The following LY9 variants were observed in gnomAD, a reference collection of about 807,000 sequenced individuals.
LY9 encodes the protein lymphocyte antigen 9, also known as T-lymphocyte surface antigen Ly-9.
A neutral mutation model predicts 64.6 loss-of-function variants in LY9; 59 were observed. The observed-to-expected ratio is 0.91, with a 90% CI of 0.74 to 1.13. The LOEUF (loss-of-function observed/expected upper bound fraction) is 1.13, where lower values mean the gene tolerates loss of function less well. Ranked by LOEUF, LY9 falls within the 50% of genes most tolerant of loss-of-function variation. LY9 has a pLI of 0.00. For missense variants in LY9, 789 were observed against 797.2 expected (o/e 0.99, Z 0.12); for synonymous variants, 281 against 308.5 (o/e 0.91, Z 0.93).
rs547994015 is a variant in LY9, at chr1:160,801,792, C to T, written c.454+1710C>T. ...ATGTGACTATTCAATTTTCCCAGCACCATTTATTGAAAAGTTGTCCGTCCA... is the reference window on the plus strand; with the variant it reads ...ATGTGACTATTCAATTTTCCCAGCATCATTTATTGAAAAGTTGTCCGTCCA... On this transcript the variant is annotated intron_variant, in intron 2 of 9. Coordinates refer to ENST00000263285, the MANE Select transcript of LY9 (RefSeq NM_002348.4). 4.0e-4 allele frequency: 639 copies of T among 1,611,128 alleles called. 8 individuals are homozygous for T. In the South Asian group the frequency reaches 6.4e-3, roughly 16 times the overall value.
intron 2 of LY9, among the ~76,000 whole-genome samples, chr1:160,807,045 C>T (rs1667051504): frequency 6.6e-6 from 1 of 151,986 alleles, no homozygotes; most frequent in East Asian, 1.9e-4. Context: ...TTTGTATTTC[C>T]TTCAGTGAAA....
rs529626132 is a variant in LY9 at position 160,819,468 on chromosome 1, G to A, written c.1498+94G>A. ...AAAGTGTGGTCTGCTGGCCAGCAGT[G>A]TGGGCATCACCCAGGAAACTTGTTA... On this transcript the variant is annotated intron_variant, in intron 7 of 9. Coordinates refer to ENST00000263285, the MANE Select transcript of LY9 (RefSeq NM_002348.4). The A allele has an allele frequency of 3.9e-4, 435 of 1,109,104 alleles. 1 individual carries two copies. In the African/African-American group the frequency reaches 5.8e-3, roughly 15 times the overall value. 68.7% of individuals were successfully genotyped at this position (1,109,104 alleles called of 1,614,324 possible).
In LY9 at chr1:160,823,688, C is replaced by G; in HGVS notation, c.1722C>G (p.Asp574Glu). 6.2e-7 allele frequency: 1 copy of G among 1,613,926 alleles called. No individual in the cohort carries two copies. The highest frequency in any genetic ancestry group is 1.7e-5 in the Admixed American group (1 of 60,016). The change falls in exon 8 of 10, where the codon GAC (aspartate) becomes GAG (glutamate). Residue 574 changes from aspartate to glutamate, a missense_variant. Coordinates refer to ENST00000263285, the MANE Select transcript of LY9 (RefSeq NM_002348.4). The stretch of plus-strand genomic sequence containing the variant: ...TCACTCAGGAGGGCGCTGGACATGA[C>G]CCAGCCCCTGAGGGCCAAGCAGACT... ...DQVTQEGAGHDPAPEGQADYD... is the reference protein window; with the variant it reads ...DQVTQEGAGHEPAPEGQADYD...
chr1:160,802,152 C>T, intron 2 of LY9: 2 of 1,295,846 alleles, frequency 1.5e-6, no homozygotes, highest in Non-Finnish European at 2.0e-6. Flanking sequence ...CCGCTGACGC[C>T]CGCAGGAACC....
intron 1 of LY9, among the ~76,000 whole-genome samples, chr1:160,798,643 G>T (rs888199067): frequency 1.8e-4 from 28 of 152,112 alleles, no homozygotes; most frequent in African/African-American, 6.0e-4. Context: ...GCAAGTGCTT[G>T]GCTGATGGAG....
intron 2 of LY9, among the ~76,000 whole-genome samples, chr1:160,801,092 A>G (rs576168087): frequency 3.3e-4 from 51 of 152,314 alleles, no homozygotes; most frequent in Non-Finnish European, 6.9e-4. Flanking sequence ...CAGTAGTGGT[A>G]TTACTGGATC....
intron 1 of LY9, among the ~76,000 whole-genome samples, chr1:160,798,565 C>T (rs1176808570): frequency 6.6e-6 from 1 of 152,164 alleles, no homozygotes; most frequent in Non-Finnish European, 1.5e-5. Flanking sequence ...AAAGAATCCA[C>T]CTGACCCAAC....
Position 160,814,959 on chromosome 1 carries a change from CCA to C in LY9, c.1072+199_1072+200del, listed in dbSNP as rs998086282. On this transcript the variant is annotated intron_variant, in intron 4 of 9. Transcript: ENST00000263285. ...ACTAGCTGCTGGACAAGTCTACCCG[CCA>C]AAGTGCCCCTGGCTCTAGGCTGCCA... 48 of 595,420 alleles carry C rather than the reference CCA, an allele frequency of 8.1e-5. No individual in the cohort carries two copies. In the Admixed American group the frequency reaches 1.2e-3, roughly 15 times the overall value. The allele number at this position is 595,420 out of a possible 1,614,324, so 36.9% of individuals were successfully genotyped here.
chr1:160,823,776 G>A lies in LY9; in HGVS notation c.1810G>A (p.Ala604Thr), dbSNP rs1440752411. 6.2e-7 allele frequency: 1 copy of A among 1,612,380 alleles called. No individual in the cohort carries two copies. Among genetic ancestry groups the A allele is most frequent in the Non-Finnish European group, 8.5e-7 (1 of 1,178,514 alleles). Residue 604 changes from alanine to threonine, a missense_variant, in exon 8 of 10, where the codon GCA (alanine) becomes ACA (threonine). Physicochemically the swap from Ala to Thr is moderately conservative, Grantham distance 58. Coordinates refer to ENST00000263285, the MANE Select transcript of LY9 (RefSeq NM_002348.4). ...TGTGGTTGGAGAGAACACCATGTAT[G>A]CACAAGTGTTCAACTTACAGGTGAG... ...ESVVGENTMYAQVFNLQGKTP... is the reference protein window; with the variant it reads ...ESVVGENTMYTQVFNLQGKTP...
intron 7 of LY9, among the ~76,000 whole-genome samples, chr1:160,820,631 G>C (rs950087311): frequency 6.6e-6 from 1 of 151,966 alleles, no homozygotes; most frequent in African/African-American, 2.4e-5. Context: ...ACAGGACAGA[G>C]CCCTGGTGTC....
At chr1:160,824,686 TA>T in intron 9 of LY9, 2 of 980,658 alleles carry the variant, frequency 2.0e-6, no homozygotes, top group Non-Finnish European at 2.4e-6. Flanking sequence ...TTCTAGTGTT[TA>T]AAAAAATCCC....
chr1:160,818,163 G>C (rs1397402838), intron 5 of LY9, 55 bp from the exon 6 acceptor site: 1 of 1,146,922 alleles, frequency 8.7e-7, no homozygotes. Flanking sequence ...TGCATTGTTT[G>C]CTCCAGTGTG....
At position 160,817,641 on chromosome 1, in the gene LY9, C is replaced by G. The variant is rs1258744552; in HGVS notation, c.1343-577C>G. 2.0e-5 allele frequency among the ~76,000 whole-genome samples: 3 copies of G among 152,176 alleles called. No homozygotes were observed. In the East Asian group the frequency reaches 5.8e-4, roughly 29 times the overall value. On this transcript the variant is annotated intron_variant, in intron 5 of 9. Transcript: ENST00000263285. ...ATTTTTGCACAATCTTCGCAACAAT[C>G]CTACAGAGTAGATATTCTCGTTTTT...
intron 2 of LY9, chr1:160,802,630 A>G (rs1273350019): frequency 1.0e-6 from 1 of 985,386 alleles, no homozygotes; most frequent in Non-Finnish European, 1.2e-6. Flanking sequence ...TTATTTTTAC[A>G]CCAATTTGGT....
intron 2 of LY9, 119 bp from the exon 3 acceptor site, chr1:160,813,517 C>A: frequency 2.1e-6 from 2 of 938,454 alleles, no homozygotes; most frequent in Non-Finnish European, 3.2e-6. Flanking sequence ...GTCCCTGCGA[C>A]AGGTAACGCT....
chr1:160,805,951 G>C (rs1478523631), intron 2 of LY9, among the ~76,000 whole-genome samples: 1 of 46,526 alleles, frequency 2.1e-5, no homozygotes, highest in Admixed American at 2.2e-4. Flanking sequence ...TACTGTTTTT[G>C]ACTTAAAGTT....
At chr1:160,815,513 A>G (rs1355389824) in intron 4 of LY9, among the ~76,000 whole-genome samples, 1 of 152,164 alleles carries the variant, frequency 6.6e-6, no homozygotes, top group East Asian at 1.9e-4. Context: ...CAGCCTCCCA[A>G]GTAGCTGGGA....
rs557126949 is a variant in LY9 at position 160,803,747 on chromosome 1, C to A, written c.454+3665C>A. Among the ~76,000 whole-genome samples, 32 of 152,278 alleles carry A rather than the reference C, an allele frequency of 2.1e-4. No homozygotes were observed. The South Asian group carries it at 4.1e-3, about 20-fold the overall frequency. ...CTCAGGCTAAGCGTGGTGGCTCACA[C>A]CTGTAATCCTAGCACTTTGGGAGAC... On this transcript the variant is annotated intron_variant, in intron 2 of 9. Coordinates refer to ENST00000263285, the MANE Select transcript of LY9 (RefSeq NM_002348.4).
intron 3 of LY9, 99 bp downstream of exon 3, chr1:160,814,010 G>A: frequency 1.5e-6 from 2 of 1,325,308 alleles, no homozygotes; most frequent in South Asian, 2.8e-5. Context: ...ACAGGGGGTG[G>A]GGAAGCAAGA....
Sources: allele counts gnomAD v4.1 joint callset (sites outside exome capture counted in the v4.1 genomes callset), GRCh38; gene constraint gnomAD v4.1.1; transcripts MANE v1.5; gene names NCBI Gene and HGNC (gene_info 2026-07-23, HGNC 2026-07-21).